TAFA1: variants seen among roughly 807,000 people sequenced by gnomAD.
TAFA1 encodes chemokine-like protein TAFA-1.
TAFA1 carries 4 observed loss-of-function variants against 18.5 expected under a neutral mutation model. The ratio of observed to expected loss-of-function variants is 0.22; its 90% CI spans 0.11 to 0.49. TAFA1 has a LOEUF of 0.49. Ranked by LOEUF, TAFA1 falls within the 20% of genes least tolerant of loss-of-function variation. The pLI, the probability that TAFA1 is intolerant of heterozygous loss-of-function variation, is 0.98. For missense variants in TAFA1, 147 were observed against 169.0 expected (o/e 0.87, Z 0.72); for synonymous variants, 56 against 55.2 (o/e 1.01, Z -0.06).
chr3:68,475,330 C>T (rs539917549), intron 3 of TAFA1, among the ~76,000 whole-genome samples: 6 of 150,858 alleles, frequency 4.0e-5, no homozygotes, highest in Admixed American at 2.0e-4. Context: ...CCACAACAGT[C>T]CCCTGTGTGT....
intron 3 of TAFA1, among the ~76,000 whole-genome samples, chr3:68,432,821 T>C (rs2071202215): frequency 1.3e-5 from 2 of 152,058 alleles, no homozygotes; most frequent in South Asian, 4.1e-4. Flanking sequence ...ATTAAGGAAC[T>C]AGGAGTGTGC....
chr3:68,394,635 T>G (rs1247903210), intron 2 of TAFA1, among the ~76,000 whole-genome samples: 1 of 151,976 alleles, frequency 6.6e-6, no homozygotes. Context: ...AACAGAGGCC[T>G]CACAAATAAC....
intron 2 of TAFA1, among the ~76,000 whole-genome samples, chr3:68,225,885 T>TA (rs5849808): frequency 1.7e-4 from 25 of 148,836 alleles, no homozygotes; most frequent in Non-Finnish European, 2.5e-4. Flanking sequence ...GCTGTAAGCA[T>TA]AAAAAAAAAA....
intron 2 of TAFA1, among the ~76,000 whole-genome samples, chr3:68,100,275 A>G (rs902440763): frequency 1.3e-5 from 2 of 152,170 alleles, no homozygotes; most frequent in Non-Finnish European, 2.9e-5. Context: ...ATTTGAGGTT[A>G]GGAGTTCAAG....
chr3:68,140,496 T>G (rs1369044355), intron 2 of TAFA1, among the ~76,000 whole-genome samples: 1 of 152,180 alleles, frequency 6.6e-6, no homozygotes. Flanking sequence ...AAAGAGGAAG[T>G]GCATGTATTA....
chr3:68,050,905 A>G (rs1303226068), intron 2 of TAFA1, among the ~76,000 whole-genome samples: 1 of 152,212 alleles, frequency 6.6e-6, no homozygotes, highest in East Asian at 1.9e-4. Flanking sequence ...GCTGGATTTG[A>G]CCCACCAGCC....
intron 2 of TAFA1, among the ~76,000 whole-genome samples, chr3:68,274,197 C>T (rs1022682147): frequency 6.6e-6 from 1 of 152,126 alleles, no homozygotes; most frequent in African/African-American, 2.4e-5. Context: ...ATTCAAACTA[C>T]AAATTTCATA....
At chr3:67,993,100 C>G in the TAFA1 span, among the ~76,000 whole-genome samples, 1 of 152,338 alleles carries the variant, frequency 6.6e-6, no homozygotes, top group African/African-American at 2.4e-5. Flanking sequence ...AAGCTCTTTT[C>G]TCCTACACAT....
At chr3:68,461,231 A>G (rs887881619) in intron 3 of TAFA1, among the ~76,000 whole-genome samples, 2 of 151,846 alleles carry the variant, frequency 1.3e-5, no homozygotes, top group Admixed American at 1.3e-4. Flanking sequence ...GCAAGGAGCC[A>G]AGATTGCGCC....
intron 2 of TAFA1, among the ~76,000 whole-genome samples, chr3:68,162,963 A>G (rs1038435589): frequency 1.4e-4 from 21 of 152,128 alleles, no homozygotes; most frequent in African/African-American, 5.1e-4. Flanking sequence ...CTTGGGACAG[A>G]AAAAAAAGCA....
At chr3:68,400,516 A>G (rs2070466372) in intron 2 of TAFA1, among the ~76,000 whole-genome samples, 1 of 152,208 alleles carries the variant, frequency 6.6e-6, no homozygotes, top group African/African-American at 2.4e-5. Context: ...AACCATCAGC[A>G]TTTGAACCCC....
chr3:68,129,594 C>A (rs1283600640), intron 2 of TAFA1, among the ~76,000 whole-genome samples: 2 of 152,100 alleles, frequency 1.3e-5, no homozygotes. Flanking sequence ...GATGCTGGTT[C>A]CATAACATGA....
chr3:68,319,148 C>G (rs1467732568), intron 2 of TAFA1, among the ~76,000 whole-genome samples: 4 of 152,028 alleles, frequency 2.6e-5, no homozygotes, highest in Non-Finnish European at 5.9e-5. Context: ...ATATTTAATC[C>G]CACAAAGAGA....
chr3:68,336,725 A>ATTAT (rs1179583922), intron 2 of TAFA1, among the ~76,000 whole-genome samples: 2 of 151,988 alleles, frequency 1.3e-5, no homozygotes, highest in Non-Finnish European at 2.9e-5. Context: ...TTAATGTTTG[A>ATTAT]TTATTTATTT....
chr3:68,254,646 A>T (rs1270548289), intron 2 of TAFA1, among the ~76,000 whole-genome samples: 3 of 152,060 alleles, frequency 2.0e-5, no homozygotes, highest in Admixed American at 6.6e-5. Context: ...ATAAAGATAA[A>T]GGTAAGGTAA....
chr3:68,497,535 G>C (rs1258180474), intron 3 of TAFA1, among the ~76,000 whole-genome samples: 1 of 152,124 alleles, frequency 6.6e-6, no homozygotes, highest in Non-Finnish European at 1.5e-5. Flanking sequence ...AAGGGTGGGA[G>C]GTTGGTAATG....
At chr3:68,388,007 T>C (rs2070140887) in intron 2 of TAFA1, among the ~76,000 whole-genome samples, 1 of 152,194 alleles carries the variant, frequency 6.6e-6, no homozygotes, top group South Asian at 2.1e-4. Flanking sequence ...TGTTACTTCA[T>C]GAATGAATGT....
chr3:68,191,611 C>T (rs2066340772), intron 2 of TAFA1, among the ~76,000 whole-genome samples: 1 of 151,782 alleles, frequency 6.6e-6, no homozygotes, highest in Non-Finnish European at 1.5e-5. Context: ...CTGTGTTCAT[C>T]AGCTCATCCT....
intron 2 of TAFA1, among the ~76,000 whole-genome samples, chr3:68,105,902 G>A (rs1211078130): frequency 6.6e-6 from 1 of 152,126 alleles, no homozygotes; most frequent in Non-Finnish European, 1.5e-5. Context: ...CTTGTGGACA[G>A]GATATGTCAG....
Sources: allele counts gnomAD v4.1 joint callset (sites outside exome capture counted in the v4.1 genomes callset), GRCh38; gene constraint gnomAD v4.1.1; transcripts MANE v1.5; gene names NCBI Gene and HGNC (gene_info 2026-07-23, HGNC 2026-07-21).